The following LYPD6B variants were observed in gnomAD, a reference collection of about 807,000 sequenced individuals.
LYPD6B encodes LY6/PLAUR domain containing 6B.
A neutral mutation model predicts 22.8 loss-of-function variants in LYPD6B; 17 were observed. The observed-to-expected ratio is 0.75, with a 90% CI of 0.51 to 1.12. The LOEUF is 1.12. Ranked by LOEUF, LYPD6B falls within the 50% of genes most tolerant of loss-of-function variation. The pLI, the probability that LYPD6B is intolerant of heterozygous loss-of-function variation, is 0.00. For missense variants in LYPD6B, 221 were observed against 258.3 expected (o/e 0.86, Z 0.99); for synonymous variants, 106 against 91.6 (o/e 1.16, Z -0.90).
intron 1 of LYPD6B, among the ~76,000 whole-genome samples, chr2:149,059,364 C>T (rs1431079536): frequency 6.6e-6 from 1 of 152,204 alleles, no homozygotes; most frequent in Non-Finnish European, 1.5e-5. Context: ...GGAAGTAGGC[C>T]TTCAATTCCT....
intron 1 of LYPD6B, among the ~76,000 whole-genome samples, chr2:149,106,855 C>T (rs34426364): frequency 2.0e-5 from 3 of 151,586 alleles, no homozygotes; most frequent in African/African-American, 4.8e-5. Flanking sequence ...TTTTTTTACT[C>T]TCTTAAAGTA....
intron 1 of LYPD6B, among the ~76,000 whole-genome samples, chr2:149,053,728 T>C (rs1683666891): frequency 1.3e-5 from 2 of 152,200 alleles, no homozygotes; most frequent in African/African-American, 4.8e-5. Flanking sequence ...CCATTAACAA[T>C]TGCTTCCTGT....
intron 1 of LYPD6B, among the ~76,000 whole-genome samples, chr2:149,107,445 A>C (rs1178954403): frequency 6.6e-6 from 1 of 152,234 alleles, no homozygotes; most frequent in Non-Finnish European, 1.5e-5. Flanking sequence ...GTTGACCACG[A>C]GTAACTGAAA....
At chr2:149,168,654 C>T (rs1427540492) in intron 3 of LYPD6B, among the ~76,000 whole-genome samples, 1 of 152,106 alleles carries the variant, frequency 6.6e-6, no homozygotes, top group African/African-American at 2.4e-5. Context: ...CTTGCTAGAA[C>T]AAAAAGGGTA....
intron 1 of LYPD6B, among the ~76,000 whole-genome samples, chr2:149,081,227 G>T (rs1025157197): frequency 2.0e-5 from 3 of 152,142 alleles, no homozygotes. Flanking sequence ...AATGCCTGCA[G>T]GGTTATTTGT....
At chr2:149,128,437 C>T (rs561640709) in intron 1 of LYPD6B, among the ~76,000 whole-genome samples, 16 of 152,326 alleles carry the variant, frequency 1.1e-4, no homozygotes, top group African/African-American at 3.8e-4. Context: ...TGTTCTAGTT[C>T]TAATCATTGG....
intron 1 of LYPD6B, among the ~76,000 whole-genome samples, chr2:149,127,052 TA>T (rs1440431907): frequency 6.6e-6 from 1 of 151,958 alleles, no homozygotes; most frequent in Non-Finnish European, 1.5e-5. Flanking sequence ...TGTTGTTTTG[TA>T]ATTCTCTATG....
intron 1 of LYPD6B, among the ~76,000 whole-genome samples, chr2:149,121,132 A>C (rs1687329962): frequency 6.6e-6 from 1 of 152,210 alleles, no homozygotes; most frequent in Admixed American, 6.5e-5. Context: ...TAGTTCATTA[A>C]GTTGATATGT....
At chr2:149,041,088 G>C in intron 1 of LYPD6B, among the ~76,000 whole-genome samples, 1 of 128,898 alleles carries the variant, frequency 7.8e-6, no homozygotes, top group African/African-American at 3.0e-5. Context: ...AGCAGAGCAA[G>C]ACTCCGTCTC....
chr2:149,155,206 T>G (rs1213441756), intron 2 of LYPD6B, among the ~76,000 whole-genome samples: 2 of 152,200 alleles, frequency 1.3e-5, no homozygotes, highest in Non-Finnish European at 2.9e-5. Flanking sequence ...CCTTCCTTGC[T>G]AGGAAAATGC....
chr2:149,118,562 T>C (rs1687122767), intron 1 of LYPD6B, among the ~76,000 whole-genome samples: 1 of 152,164 alleles, frequency 6.6e-6, no homozygotes, highest in East Asian at 1.9e-4. Flanking sequence ...TCCAAATATT[T>C]TGAAGAAAAC....
rs1169317690 is a variant in LYPD6B, at chr2:149,053,471, A to G, written c.-67+14670A>G. ...GAGGTTAAATTCTTAAATTTGAACT[A>G]TTGGGTCAAATATAATACCCATTTT... is the stretch of plus-strand genomic sequence containing the variant. On this transcript the variant is annotated intron_variant, in intron 1 of 6. Transcript: ENST00000409642. Among the ~76,000 whole-genome samples, 6 of 152,362 alleles carry G rather than the reference A, an allele frequency of 3.9e-5. No individual in the cohort carries two copies. In the East Asian group the frequency reaches 1.2e-3, roughly 29 times the overall value.
chr2:149,140,547 A>G (rs1188701418), intron 2 of LYPD6B, among the ~76,000 whole-genome samples: 1 of 152,214 alleles, frequency 6.6e-6, no homozygotes, highest in African/African-American at 2.4e-5. Context: ...AGTTAGCTAG[A>G]TCCGACTCAC....
Position 149,124,215 on chromosome 2 carries a change from G to A in LYPD6B, c.-66-6668G>A, listed in dbSNP as rs144595257. ...CTGCACTAACCCCTCCAAGAATATGGCTTATAAATACAACACTTCTTGGGG... is the reference window on the plus strand; with the variant it reads ...CTGCACTAACCCCTCCAAGAATATGACTTATAAATACAACACTTCTTGGGG... On this transcript the variant is annotated intron_variant, in intron 1 of 6. Coordinates refer to ENST00000409642, the MANE Select transcript of LYPD6B (RefSeq NM_177964.5). Among the ~76,000 whole-genome samples, 9 of 152,140 alleles carry A rather than the reference G, an allele frequency of 5.9e-5. No homozygotes were observed. In the East Asian group the frequency reaches 1.7e-3, roughly 29 times the overall value.
intron 1 of LYPD6B, among the ~76,000 whole-genome samples, chr2:149,076,031 C>T (rs1377180207): frequency 1.3e-5 from 2 of 151,912 alleles, no homozygotes; most frequent in Non-Finnish European, 2.9e-5. Context: ...TCCAGAGGAG[C>T]GGGAGAATGG....
At chr2:149,150,692 C>G (rs1365248602) in intron 2 of LYPD6B, among the ~76,000 whole-genome samples, 1 of 151,992 alleles carries the variant, frequency 6.6e-6, no homozygotes, top group Non-Finnish European at 1.5e-5. Context: ...CTTCTCTCAG[C>G]CCTTTCAAAC....
intron 1 of LYPD6B, among the ~76,000 whole-genome samples, chr2:149,058,350 T>C (rs768310365): frequency 2.2e-4 from 34 of 152,238 alleles, no homozygotes; most frequent in Non-Finnish European, 4.4e-4. Context: ...AAGTGAAAAC[T>C]ACTAGGTGCC....
rs759354160 is a variant in LYPD6B at position 149,208,399 on chromosome 2, A to G, written c.315A>G (p.Lys105=). The change falls in exon 5 of 7, where the codon AAA becomes AAG. Residue 105 remains lysine, a synonymous_variant. Coordinates refer to ENST00000409642, the MANE Select transcript of LYPD6B (RefSeq NM_177964.5). ...ACTGCAATCGATGGGCAGAAGACAA[A>G]TGGTGTCCACAAAGTAAGTGTGCTG... ...NYNCNRWAED[K]WCPQNTQYCL... 3.7e-6 allele frequency: 6 copies of G among 1,612,934 alleles called. No individual in the cohort carries two copies. In the Admixed American group the frequency reaches 6.7e-5, roughly 18 times the overall value.
intron 1 of LYPD6B, among the ~76,000 whole-genome samples, chr2:149,104,030 G>A (rs1178740433): frequency 2.0e-5 from 3 of 151,776 alleles, no homozygotes; most frequent in Admixed American, 6.6e-5. Flanking sequence ...TGTCCACTTC[G>A]GCCTCCCAAA....
Sources: gnomAD v4.1 joint callset for allele counts (sites outside exome capture counted in the v4.1 genomes callset) on GRCh38, gnomAD v4.1.1 for gene constraint, MANE v1.5 for transcripts, NCBI Gene and HGNC (gene_info 2026-07-23, HGNC 2026-07-21) for gene names.